The following BRAF variants were observed in gnomAD, a reference collection of about 807,000 sequenced individuals.
BRAF encodes the protein B-Raf proto-oncogene, serine/threonine kinase, also known as serine/threonine-protein kinase B-raf.
In BRAF, 16 loss-of-function variants were observed where a neutral mutation model predicts 104.6. The ratio of observed to expected loss-of-function variants is 0.15; its 90% CI spans 0.10 to 0.23. The LOEUF is 0.23. BRAF is among the 10% of genes least tolerant of loss of function. The probability of loss-of-function intolerance (pLI) is 1.00; values close to 1 mark genes in which losing one functional copy is unlikely to be tolerated. For missense variants in BRAF, 541 were observed against 937.3 expected (o/e 0.58, Z 5.52); for synonymous variants, 310 against 341.6 (o/e 0.91, Z 1.02).
At chr7:140,848,191 G>A (rs139008483) in intron 2 of BRAF, among the ~76,000 whole-genome samples, 16 of 152,164 alleles carry the variant, frequency 1.1e-4, no homozygotes, top group Admixed American at 7.2e-4. Flanking sequence ...AAGCTGTCTG[G>A]GGGGTGAGGG....
chr7:140,751,611 A>G (rs954246321), intron 16 of BRAF, among the ~76,000 whole-genome samples: 4 of 152,242 alleles, frequency 2.6e-5, no homozygotes, highest in African/African-American at 9.6e-5. Context: ...ATGTAGACTT[A>G]GAGGAGGTTA....
intron 3 of BRAF, among the ~76,000 whole-genome samples, chr7:140,821,765 T>C (rs1346095878): frequency 6.6e-6 from 1 of 152,084 alleles, no homozygotes; most frequent in Non-Finnish European, 1.5e-5. Flanking sequence ...TGAATCATTC[T>C]ACGAAAAAAC....
At chr7:140,754,324 T>C in intron 14 of BRAF, 91 bp from the exon 14 acceptor site, 4 of 1,086,824 alleles carry the variant, frequency 3.7e-6, no homozygotes, top group Admixed American at 3.4e-5. Flanking sequence ...TAAAGACTTA[T>C]TTAGAATCAT....
chr7:140,735,500 C>G (rs760566082), intron 18 of BRAF, among the ~76,000 whole-genome samples: 4 of 152,118 alleles, frequency 2.6e-5, no homozygotes, highest in Non-Finnish European at 5.9e-5. Flanking sequence ...CTATAATAAG[C>G]ACTCAATAAA....
chr7:140,873,767 C>T (rs974881584), intron 1 of BRAF, among the ~76,000 whole-genome samples: 4 of 152,162 alleles, frequency 2.6e-5, no homozygotes, highest in Non-Finnish European at 5.9e-5. Context: ...ACACAGGAGA[C>T]ACAGAGGAGC....
intron 1 of BRAF, among the ~76,000 whole-genome samples, chr7:140,876,387 G>A (rs952775471): frequency 2.0e-5 from 3 of 152,134 alleles, no homozygotes; most frequent in African/African-American, 7.2e-5. Context: ...CAATCTAAAA[G>A]AATGCAGGAA....
chr7:140,914,426 C>A (rs1817351263), intron 1 of BRAF, among the ~76,000 whole-genome samples: 1 of 152,118 alleles, frequency 6.6e-6, no homozygotes, highest in East Asian at 1.9e-4. Flanking sequence ...GTGTTAGAGG[C>A]AATCCTGCAA....
At chr7:140,841,787 G>A (rs1807996692) in intron 2 of BRAF, among the ~76,000 whole-genome samples, 1 of 151,990 alleles carries the variant, frequency 6.6e-6, no homozygotes, top group African/African-American at 2.4e-5. Context: ...AAATGTTTTG[G>A]AATAAGATAG....
rs2129023874 is a variant in BRAF at position 140,781,666 on chromosome 7, C to T, written c.1462G>A (p.Asp488Asn). 1.2e-6 allele frequency: 2 copies of T among 1,614,092 alleles called. No homozygotes were observed. The highest frequency in any genetic ancestry group is 1.7e-6 in the Non-Finnish European group (2 of 1,179,998). The change falls in exon 12 of 20, where the codon GAT becomes AAT. Residue 488 changes from aspartate (D) to asparagine (N), a missense_variant. Around this residue, in one of 10 missense-constraint regions of BRAF, gnomAD observed 109 missense variants for 143.9 expected, o/e 0.76. Transcript: ENST00000644969. ...MKTLGRRDSS[D>N]DWEIPDGQIT... ...TGCCCATCAGGAATCTCCCAATCATCACTCGAGTCCCGTCTACCAAGTGTT... is the reference window on the plus strand; with the variant it reads ...TGCCCATCAGGAATCTCCCAATCATTACTCGAGTCCCGTCTACCAAGTGTT...
rs727502907 is a variant in BRAF, at chr7:140,924,774, G to GGGAGGCGGAGGCGGAGGC, written c.-89_-72dup. 6 of 586,748 alleles carry GGGAGGCGGAGGCGGAGGC rather than the reference G, an allele frequency of 1.0e-5. No individual in the cohort carries two copies. Among genetic ancestry groups the GGGAGGCGGAGGCGGAGGC allele is most frequent in the African/African-American group, 4.0e-5 (2 of 50,538 alleles). 36.3% of individuals were successfully genotyped at this position (586,748 alleles called of 1,614,324 possible). A position where few individuals can be genotyped will look rare whatever the true frequency, so the allele number is the denominator to read the frequency against. On this transcript the variant is annotated 5_prime_UTR_variant, in exon 1 of 20. Transcript: ENST00000644969. This position sits in a 1 kb window ranked among gnomAD's most constrained non-coding sequence, Gnocchi z 4.2. ...AGGGGGAAGGGAGGCGGAGAGCTGG[G>GGGAGGCGGAGGCGGAGGC]GGAGGCGGAGGCGGAGGCGGAGGCG...
intron 14 of BRAF, among the ~76,000 whole-genome samples, chr7:140,769,266 T>C (rs557804848): frequency 1.3e-5 from 2 of 152,204 alleles, no homozygotes; most frequent in South Asian, 2.1e-4. Flanking sequence ...TTAGTAGATA[T>C]GGTGTTTCAC....
At chr7:140,845,196 T>C (rs1808415699) in intron 2 of BRAF, among the ~76,000 whole-genome samples, 1 of 152,162 alleles carries the variant, frequency 6.6e-6, no homozygotes, top group African/African-American at 2.4e-5. Context: ...GGTATCCATA[T>C]GCAAAAGAAC....
chr7:140,883,854 C>T (rs1340776643), intron 1 of BRAF, among the ~76,000 whole-genome samples: 2 of 152,176 alleles, frequency 1.3e-5, no homozygotes, highest in Admixed American at 1.3e-4. Context: ...TAAATCATTA[C>T]ACCACAGTAA....
chr7:140,841,642 G>C (rs1807981621), intron 2 of BRAF, among the ~76,000 whole-genome samples: 1 of 152,080 alleles, frequency 6.6e-6, no homozygotes, highest in Non-Finnish European at 1.5e-5. Context: ...GTCACAAAAG[G>C]CCACATAATA....
chr7:140,886,164 G>T (rs551191515), intron 1 of BRAF, among the ~76,000 whole-genome samples: 15 of 152,218 alleles, frequency 9.9e-5, no homozygotes, highest in South Asian at 2.1e-4. Flanking sequence ...CCTTCACAGG[G>T]TAATGGTAAT....
At chr7:140,778,154 T>A in intron 12 of BRAF, 79 bp from the exon 12 acceptor site, 1 of 1,231,322 alleles carries the variant, frequency 8.1e-7, no homozygotes, top group Non-Finnish European at 1.2e-6. Flanking sequence ...GTGTTTTCAC[T>A]AATTATCATA....
chr7:140,751,981 C>T (rs539447356), intron 16 of BRAF, among the ~76,000 whole-genome samples: 1 of 152,174 alleles, frequency 6.6e-6, no homozygotes, highest in South Asian at 2.1e-4. Flanking sequence ...TCTCAGGACT[C>T]TTTTTCACTC....
chr7:140,775,651 C>A (rs554857026), intron 14 of BRAF, among the ~76,000 whole-genome samples: 1 of 152,224 alleles, frequency 6.6e-6, no homozygotes, highest in Non-Finnish European at 1.5e-5. Context: ...GATTTTAATT[C>A]TTTAAAAGCC....
At chr7:140,825,392 T>C (rs1238325061) in intron 3 of BRAF, among the ~76,000 whole-genome samples, 2 of 152,230 alleles carry the variant, frequency 1.3e-5, no homozygotes, top group Non-Finnish European at 2.9e-5. Context: ...TACTGTCTTT[T>C]GAAGAGCAGA....
Sources: allele counts gnomAD v4.1 joint callset (sites outside exome capture counted in the v4.1 genomes callset), GRCh38; gene constraint gnomAD v4.1.1; regional missense constraint gnomAD v4.1.1; non-coding constraint Gnocchi (gnomAD v3.1); transcripts MANE v1.5; gene names NCBI Gene and HGNC (gene_info 2026-07-23, HGNC 2026-07-21).